FAM135B: variants seen among roughly 807,000 people sequenced by gnomAD.
FAM135B encodes the protein protein FAM135B.
Under a neutral mutation model 127.7 loss-of-function variants are expected in FAM135B, and 43 were observed. The observed-to-expected ratio is 0.34, with a 90% CI of 0.26 to 0.43. The LOEUF is 0.43. FAM135B is among the 20% of genes least tolerant of loss of function. The pLI, the probability that FAM135B is intolerant of heterozygous loss-of-function variation, is 1.00. For missense variants in FAM135B, 1,558 were observed against 1,725.6 expected (o/e 0.90, Z 1.72); for synonymous variants, 670 against 665.1 (o/e 1.01, Z -0.11).
At chr8:138,237,211 A>G (rs1321267891) in intron 7 of FAM135B, among the ~76,000 whole-genome samples, 1 of 134,482 alleles carries the variant, frequency 7.4e-6, no homozygotes, top group East Asian at 2.3e-4. Flanking sequence ...CCCAGGCTGG[A>G]GTGCAGTGGT....
chr8:138,197,523 C>T lies in FAM135B; in HGVS notation c.816G>A (p.Thr272=), dbSNP rs144998083. The T allele has an allele frequency of 3.0e-3, 4,786 of 1,613,910 alleles. 55 individuals are homozygous for T. In the African/African-American group the frequency reaches 0.031, roughly 11 times the overall value. ...CCTGTCCTGGGCCCTTACCCAGCTC[C>T]GTGTGTGGCAGCTCTGGGATGTCCC... ...IMRDIPELPH[T]ELEALAVEET... The change falls in exon 8 of 20, where the codon ACG becomes ACA. Residue 272 remains threonine, a synonymous_variant. Coordinates refer to ENST00000395297, the MANE Select transcript of FAM135B (RefSeq NM_015912.4).
chr8:138,398,628 A>C (rs973979618), intron 1 of FAM135B, among the ~76,000 whole-genome samples: 3 of 152,196 alleles, frequency 2.0e-5, no homozygotes, highest in Non-Finnish European at 4.4e-5. Context: ...TAGAAGCTGC[A>C]TGTGGGAGGA....
At chr8:138,192,837 C>A (rs1816259799) in intron 9 of FAM135B, among the ~76,000 whole-genome samples, 1 of 152,188 alleles carries the variant, frequency 6.6e-6, no homozygotes, top group African/African-American at 2.4e-5. Context: ...CCCCGTCTTG[C>A]TAAATGAGCT....
At chr8:138,458,865 G>C (rs1836959015) in intron 1 of FAM135B, among the ~76,000 whole-genome samples, 1 of 152,206 alleles carries the variant, frequency 6.6e-6, no homozygotes, top group Non-Finnish European at 1.5e-5. Flanking sequence ...AGTAGCAAAT[G>C]ATAATTTTCC....
At chr8:138,265,669 G>A (rs1402779620) in intron 4 of FAM135B, 34 bp downstream of exon 4, 2 of 1,612,234 alleles carry the variant, frequency 1.2e-6, no homozygotes, top group Non-Finnish European at 1.7e-6. Flanking sequence ...ATAGGGAACA[G>A]CTACTTGTGG....
intron 4 of FAM135B, among the ~76,000 whole-genome samples, chr8:138,261,784 T>A (rs1021711362): frequency 6.6e-6 from 1 of 152,052 alleles, no homozygotes; most frequent in Admixed American, 6.6e-5. Flanking sequence ...ATGTCTGAAT[T>A]TCTTATAGCA....
chr8:138,265,579 A>G (rs1822849588), intron 4 of FAM135B, 124 bp downstream of exon 4: 1 of 1,062,022 alleles, frequency 9.4e-7, no homozygotes, highest in African/African-American at 1.6e-5. Context: ...CACTAAAAGC[A>G]CTAATCTCTG....
At chr8:138,421,310 C>CA (rs576548764) in intron 1 of FAM135B, among the ~76,000 whole-genome samples, 316 of 150,156 alleles carry the variant, frequency 2.1e-3, no homozygotes, top group African/African-American at 7.2e-3. Context: ...GAGACTCTGT[C>CA]AAAAAAAAAT....
At position 138,262,932 on chromosome 8, in the gene FAM135B, A is replaced by G. The variant is rs1822650111; in HGVS notation, c.297+2771T>C. Among the ~76,000 whole-genome samples, 3 of 150,186 alleles carry G rather than the reference A, an allele frequency of 2.0e-5. No individual in the cohort carries two copies. The South Asian group carries it at 6.4e-4, about 32-fold the overall frequency. ...AAAAAAAAAAAAAAAGCAACTAACA[A>G]TGGCTGAGTTCTCAAGGTTAGTAAC... On this transcript the variant is annotated intron_variant, in intron 4 of 19. Transcript: ENST00000395297.
intron 8 of FAM135B, 141 bp from the exon 9 acceptor site, chr8:138,195,448 C>T: frequency 2.7e-6 from 2 of 741,064 alleles, no homozygotes; most frequent in Non-Finnish European, 4.6e-6. Flanking sequence ...TCTACCTATT[C>T]TAACTTCCTA....
rs1239517654 is a variant in FAM135B at position 138,241,473 on chromosome 8, G to C, written c.669+1469C>G. Among the ~76,000 whole-genome samples the C allele has an allele frequency of 6.6e-6, 1 of 152,156 alleles. No individual in the cohort carries two copies. Among genetic ancestry groups the C allele is most frequent in the Non-Finnish European group, 1.5e-5 (1 of 68,030 alleles). On this transcript the variant is annotated intron_variant, in intron 7 of 19. Transcript: ENST00000395297. The surrounding 1 kb of genome is among the most constrained non-coding windows in gnomAD (Gnocchi z 4.8). ...TTGCTTCTCAGGACCATAAAATCAT[G>C]TGACACAGCAGCTTGGACAAGATGA...
intron 9 of FAM135B, among the ~76,000 whole-genome samples, chr8:138,186,061 C>T (rs1815538133): frequency 6.6e-6 from 1 of 152,150 alleles, no homozygotes; most frequent in Non-Finnish European, 1.5e-5. Context: ...GGGTCCTTCC[C>T]TGACTGGTGT....
chr8:138,343,567 T>C (rs1024475148), intron 2 of FAM135B, among the ~76,000 whole-genome samples: 4 of 152,220 alleles, frequency 2.6e-5, no homozygotes, highest in African/African-American at 9.6e-5. Context: ...ATGAATGTGA[T>C]GAACTTTGGC....
intron 19 of FAM135B, 22 bp downstream of exon 19, chr8:138,137,125 G>T (rs2130537563): frequency 1.6e-6 from 2 of 1,252,876 alleles, no homozygotes; most frequent in Non-Finnish European, 2.3e-6. Flanking sequence ...AAGTCCCTGA[G>T]CAAAAATTAA....
At chr8:138,251,513 T>C (rs1821693458) in intron 5 of FAM135B, among the ~76,000 whole-genome samples, 1 of 152,096 alleles carries the variant, frequency 6.6e-6, no homozygotes, top group African/African-American at 2.4e-5. Context: ...CTGGCAGGTA[T>C]TGAGAATATA....
intron 3 of FAM135B, among the ~76,000 whole-genome samples, chr8:138,307,016 C>T (rs1826313221): frequency 6.6e-6 from 1 of 152,226 alleles, no homozygotes; most frequent in African/African-American, 2.4e-5. Flanking sequence ...CGATGTCCAT[C>T]TTCCCATCTT....
chr8:138,279,339 T>G (rs998752258), intron 3 of FAM135B, among the ~76,000 whole-genome samples: 1 of 152,230 alleles, frequency 6.6e-6, no homozygotes, highest in African/African-American at 2.4e-5. Context: ...AACTCACCAG[T>G]GAGCTCTAGG....
At chr8:138,322,910 A>G (rs1827547670) in intron 2 of FAM135B, among the ~76,000 whole-genome samples, 1 of 152,210 alleles carries the variant, frequency 6.6e-6, no homozygotes, top group Admixed American at 6.5e-5. Context: ...CCAATAAAAG[A>G]GGCCTTGGTG....
intron 3 of FAM135B, among the ~76,000 whole-genome samples, chr8:138,305,818 C>A (rs1211374027): frequency 2.6e-5 from 4 of 151,836 alleles, no homozygotes; most frequent in Non-Finnish European, 4.4e-5. Context: ...TAAGACAGAC[C>A]AAATCAATTA....
Sources: gnomAD v4.1 joint callset for allele counts (sites outside exome capture counted in the v4.1 genomes callset) on GRCh38, gnomAD v4.1.1 for gene constraint, Gnocchi (gnomAD v3.1) non-coding constraint, MANE v1.5 for transcripts, NCBI Gene and HGNC (gene_info 2026-07-23, HGNC 2026-07-21) for gene names.